Variants in MRPS28 observed in about 807,000 individuals in gnomAD.
The protein encoded by MRPS28 is mitochondrial ribosomal protein S28, also known as small ribosomal subunit protein bS1m.
A neutral mutation model predicts 10.8 loss-of-function variants in MRPS28; 7 were observed. The observed-to-expected ratio is 0.65, with a 90% CI of 0.37 to 1.22. The LOEUF (loss-of-function observed/expected upper bound fraction) is 1.22, where lower values mean the gene tolerates loss of function less well. Ranked by LOEUF, MRPS28 falls within the 50% of genes most tolerant of loss-of-function variation. MRPS28 has a pLI of 0.02. For synonymous variants in MRPS28, 121 were observed against 93.3 expected (o/e 1.30, Z -1.71); for missense variants, 265 against 232.9 (o/e 1.14, Z -0.90).
intron 2 of MRPS28, among the ~76,000 whole-genome samples, chr8:79,953,028 CACTG>C (rs1563524755): frequency 1.3e-5 from 2 of 152,266 alleles, no homozygotes; most frequent in East Asian, 1.9e-4. Context: ...GAAGTCAGTG[CACTG>C]ACTAACAGAG....
chr8:80,004,221 C>A (rs1045234150), intron 1 of MRPS28, among the ~76,000 whole-genome samples: 13 of 152,326 alleles, frequency 8.5e-5, no homozygotes, highest in Non-Finnish European at 1.8e-4. Flanking sequence ...AGTAGCCTAA[C>A]TGGGAGGCAC....
In MRPS28 at chr8:80,018,854, T is replaced by C. The variant is rs963766307; in HGVS notation, c.213+11182A>G. ...ATCCTGTCACTTGCAACAACATGGATAGAACCAGAGGTCATTACGTTACGT... is the reference window on the plus strand; with the variant it reads ...ATCCTGTCACTTGCAACAACATGGACAGAACCAGAGGTCATTACGTTACGT... On this transcript the variant is annotated intron_variant, in intron 1 of 2. Coordinates refer to ENST00000276585, the MANE Select transcript of MRPS28 (RefSeq NM_014018.3). 3.9e-5 allele frequency among the ~76,000 whole-genome samples: 6 copies of C among 152,218 alleles called. No individual in the cohort carries two copies. In the East Asian group the frequency reaches 5.8e-4, roughly 15 times the overall value.
intron 2 of MRPS28, among the ~76,000 whole-genome samples, chr8:79,970,592 T>C (rs182447704): frequency 6.6e-6 from 1 of 152,294 alleles, no homozygotes; most frequent in East Asian, 1.9e-4. Flanking sequence ...AAAAAAACTG[T>C]TTACAGAACT....
At chr8:79,944,455 C>CT (rs1363915220) in intron 2 of MRPS28, among the ~76,000 whole-genome samples, 7 of 152,130 alleles carry the variant, frequency 4.6e-5, no homozygotes, top group Admixed American at 2.6e-4. Context: ...TTTCTATATG[C>CT]TACGTTTATA....
intron 2 of MRPS28, among the ~76,000 whole-genome samples, chr8:79,988,273 G>A (rs1366152701): frequency 8.6e-6 from 1 of 115,962 alleles, no homozygotes; most frequent in African/African-American, 3.2e-5. Flanking sequence ...GGACTATCGT[G>A]GGGTGGGGGG....
intron 2 of MRPS28, among the ~76,000 whole-genome samples, chr8:79,926,141 G>T (rs772222361): frequency 6.6e-6 from 1 of 151,368 alleles, no homozygotes; most frequent in Non-Finnish European, 1.5e-5. Context: ...ATGGAAAGGG[G>T]AAAAAAAACC....
chr8:80,011,281 G>T (rs1809039997), intron 1 of MRPS28, among the ~76,000 whole-genome samples: 1 of 151,780 alleles, frequency 6.6e-6, no homozygotes, highest in African/African-American at 2.4e-5. Flanking sequence ...CAACTTGGGG[G>T]TCTCTGCTTG....
chr8:80,024,580 A>G (rs894690971), intron 1 of MRPS28, among the ~76,000 whole-genome samples: 4 of 152,326 alleles, frequency 2.6e-5, no homozygotes, highest in African/African-American at 4.8e-5. Flanking sequence ...TTTAATGACT[A>G]TAAGAACTAA....
intron 2 of MRPS28, among the ~76,000 whole-genome samples, chr8:79,930,680 T>C (rs561093404): frequency 1.3e-5 from 2 of 152,346 alleles, no homozygotes; most frequent in East Asian, 3.9e-4. Context: ...GGGTCATTCC[T>C]GTCAAAACAG....
chr8:79,941,479 AT>A (rs541144226), intron 2 of MRPS28, among the ~76,000 whole-genome samples: 116 of 152,300 alleles, frequency 7.6e-4, no homozygotes, highest in African/African-American at 2.4e-3. Context: ...CCCTACTTAA[AT>A]AATTATTGAT....
At chr8:80,006,320 A>G (rs1357096932) in intron 1 of MRPS28, among the ~76,000 whole-genome samples, 4 of 152,368 alleles carry the variant, frequency 2.6e-5, no homozygotes, top group Non-Finnish European at 1.5e-5. Flanking sequence ...CTCAGGATTA[A>G]GAAACTCACT....
chr8:79,920,045 G>T (rs1384399293), intron 2 of MRPS28, among the ~76,000 whole-genome samples: 1 of 150,514 alleles, frequency 6.6e-6, no homozygotes, highest in Non-Finnish European at 1.5e-5. Context: ...GCGGTGTTTG[G>T]TTTTTTGTCC....
At chr8:79,979,164 T>C (rs909686539) in intron 2 of MRPS28, among the ~76,000 whole-genome samples, 4 of 152,214 alleles carry the variant, frequency 2.6e-5, no homozygotes, top group Admixed American at 6.5e-5. Context: ...ATTCAAATCT[T>C]TATAATACGG....
At chr8:79,944,701 C>CTTCTTTT (rs540822861) in intron 2 of MRPS28, among the ~76,000 whole-genome samples, 1 of 137,636 alleles carries the variant, frequency 7.3e-6, no homozygotes, top group African/African-American at 2.7e-5. Flanking sequence ...TTTCTTTTTT[C>CTTCTTTT]TTTTTTTTTT....
intron 2 of MRPS28, among the ~76,000 whole-genome samples, chr8:79,935,382 C>T (rs1324829704): frequency 1.3e-5 from 2 of 152,060 alleles, no homozygotes; most frequent in African/African-American, 4.8e-5. Flanking sequence ...ATTTCCTAGA[C>T]AATAAACTGT....
chr8:79,960,037 T>C (rs1291417616), intron 2 of MRPS28, among the ~76,000 whole-genome samples: 1 of 152,142 alleles, frequency 6.6e-6, no homozygotes, highest in Non-Finnish European at 1.5e-5. Context: ...GCTTTCCACA[T>C]GGTGCAGTCT....
At chr8:79,984,382 C>T (rs1808082930) in intron 2 of MRPS28, among the ~76,000 whole-genome samples, 1 of 152,154 alleles carries the variant, frequency 6.6e-6, no homozygotes, top group Non-Finnish European at 1.5e-5. Flanking sequence ...AGCAAAACAA[C>T]CAGCTAACAT....
intron 2 of MRPS28, among the ~76,000 whole-genome samples, chr8:79,983,863 CAGG>C (rs1387655848): frequency 1.3e-5 from 2 of 152,190 alleles, no homozygotes; most frequent in Non-Finnish European, 2.9e-5. Context: ...GGATATTATT[CAGG>C]AGAACTTCCC....
intron 1 of MRPS28, among the ~76,000 whole-genome samples, chr8:80,020,580 T>C (rs1334935317): frequency 6.6e-6 from 1 of 152,230 alleles, no homozygotes; most frequent in African/African-American, 2.4e-5. Flanking sequence ...GTATTTCTGA[T>C]AGAACAGTAG....
Sources: gnomAD v4.1 joint callset for allele counts (sites outside exome capture counted in the v4.1 genomes callset) on GRCh38, gnomAD v4.1.1 for gene constraint, MANE v1.5 for transcripts, NCBI Gene and HGNC (gene_info 2026-07-23, HGNC 2026-07-21) for gene names.